EEFSEC: variants seen among roughly 807,000 people sequenced by gnomAD.
The protein encoded by EEFSEC is selenocysteine-specific elongation factor.
EEFSEC carries 43 observed loss-of-function variants against 42.1 expected under a neutral mutation model. The ratio of observed to expected loss-of-function variants is 1.02; its 90% CI spans 0.80 to 1.32. The LOEUF (loss-of-function observed/expected upper bound fraction) is 1.32. EEFSEC is among the 40% of genes most tolerant of loss of function. EEFSEC has a pLI of 0.00. For missense variants in EEFSEC, 745 were observed against 803.6 expected, an observed-to-expected ratio of 0.93 and a Z score of 0.88; for synonymous variants, 354 against 339.1, an observed-to-expected ratio of 1.04 and a Z score of -0.48.
chr3:128,156,796 G>C (rs1022626494), intron 1 of EEFSEC, among the ~76,000 whole-genome samples: 1 of 152,142 alleles, frequency 6.6e-6, no homozygotes, highest in African/African-American at 2.4e-5. Flanking sequence ...TTCCCTGTCT[G>C]TCTCCCTCTC....
intron 6 of EEFSEC, among the ~76,000 whole-genome samples, chr3:128,362,740 A>G (rs538729988): frequency 6.6e-6 from 1 of 152,280 alleles, no homozygotes; most frequent in Admixed American, 6.5e-5. Context: ...CTTACCTCAT[A>G]CTAGCCAGAG....
chr3:128,420,171 G>C, the EEFSEC span, among the ~76,000 whole-genome samples: 4 of 152,242 alleles, frequency 2.6e-5, no homozygotes, highest in African/African-American at 9.6e-5. Flanking sequence ...GCCCCGCGCA[G>C]AGCAGGAGAG....
At chr3:128,170,491 AC>A (rs1265899068) in intron 1 of EEFSEC, among the ~76,000 whole-genome samples, 2 of 151,768 alleles carry the variant, frequency 1.3e-5, no homozygotes, top group Non-Finnish European at 2.9e-5. Context: ...GCAGAGTGAG[AC>A]CACGTCTAAA....
chr3:128,285,588 C>T (rs2066575592), intron 4 of EEFSEC, among the ~76,000 whole-genome samples: 2 of 152,164 alleles, frequency 1.3e-5, no homozygotes, highest in African/African-American at 2.4e-5. Flanking sequence ...CTGCAGGATC[C>T]TCTGTGTTTG....
downstream of EEFSEC, among the ~76,000 whole-genome samples, chr3:128,412,777 G>A (rs368743122): frequency 1.1e-3 from 174 of 152,358 alleles, no homozygotes; most frequent in African/African-American, 4.1e-3. Context: ...TTGGCTGCTG[G>A]GAGTTGGGGC....
chr3:128,154,194 C>T (rs896957458), intron 1 of EEFSEC, among the ~76,000 whole-genome samples: 14 of 152,090 alleles, frequency 9.2e-5, no homozygotes, highest in African/African-American at 2.9e-4. Flanking sequence ...CTTCATTCAC[C>T]TGTCATTTGG....
intron 2 of EEFSEC, among the ~76,000 whole-genome samples, chr3:128,250,914 T>TTTG (rs1414979978): frequency 6.7e-6 from 1 of 149,614 alleles, no homozygotes; most frequent in Non-Finnish European, 1.5e-5. Context: ...TTTTTTGGTT[T>TTTG]TTTTTTTTTT....
intron 6 of EEFSEC, among the ~76,000 whole-genome samples, chr3:128,360,794 G>A (rs937694862): frequency 1.2e-4 from 19 of 152,094 alleles, no homozygotes; most frequent in South Asian, 1.0e-3. Context: ...ACATTCCTTC[G>A]TCTGGTCAAT....
At chr3:128,256,994 C>T (rs922597082) in intron 2 of EEFSEC, among the ~76,000 whole-genome samples, 4 of 152,192 alleles carry the variant, frequency 2.6e-5, no homozygotes, top group Admixed American at 1.3e-4. Context: ...ATCCTCCTGC[C>T]TCTGCCTCCC....
rs191291685 is a variant in EEFSEC, at chr3:128,331,881, C to A, written c.787-9352C>A. Reference sequence around the variant, plus strand: ...GTAACCACCCACTTTAGAGAAAAATCTACAAGATCTAGTAAAACTGAAACT... The same window carrying A: ...GTAACCACCCACTTTAGAGAAAAATATACAAGATCTAGTAAAACTGAAACT... On this transcript the variant is annotated intron_variant, in intron 4 of 6. Coordinates refer to ENST00000254730, the MANE Select transcript of EEFSEC (RefSeq NM_021937.5). Among the ~76,000 whole-genome samples, 769 of 152,174 alleles carry A rather than the reference C, an allele frequency of 5.1e-3. 7 individuals carry two copies. Among genetic ancestry groups the A allele is most frequent in the South Asian group, 0.032 (153 of 4,820 alleles).
intron 1 of EEFSEC, among the ~76,000 whole-genome samples, chr3:128,186,797 T>G (rs956163826): frequency 6.6e-6 from 1 of 152,222 alleles, no homozygotes; most frequent in Non-Finnish European, 1.5e-5. Flanking sequence ...CTGAACTATT[T>G]TTTTTTTAAA....
At chr3:128,176,013 C>T (rs1206620219) in intron 1 of EEFSEC, among the ~76,000 whole-genome samples, 3 of 152,084 alleles carry the variant, frequency 2.0e-5, no homozygotes, top group Admixed American at 1.3e-4. Context: ...CAAGTGTTTT[C>T]GTGTGTGTGA....
At position 128,246,824 on chromosome 3, in the gene EEFSEC, C is replaced by G. The variant is rs748259783; in HGVS notation, c.317-12C>G. ...CCTTTTCCCTTTCTAACCTTCTCTTCTCTTATTCCAGGGGCCCAGATCATT... is the reference window on the plus strand; with the variant it reads ...CCTTTTCCCTTTCTAACCTTCTCTTGTCTTATTCCAGGGGCCCAGATCATT... On this transcript the variant is annotated splice_polypyrimidine_tract_variant and intron_variant, in intron 1 of 6. Transcript: ENST00000254730. 8.7e-6 allele frequency: 14 copies of G among 1,613,216 alleles called. No homozygotes were observed. In the Admixed American group the frequency reaches 2.3e-4, roughly 27 times the overall value.
intron 6 of EEFSEC, among the ~76,000 whole-genome samples, chr3:128,397,668 G>A (rs1184836706): frequency 6.6e-6 from 1 of 152,262 alleles, no homozygotes; most frequent in African/African-American, 2.4e-5. Flanking sequence ...AAGCACAGAT[G>A]CACAGGCTCA....
At chr3:128,361,774 G>A (rs2067528529) in intron 6 of EEFSEC, among the ~76,000 whole-genome samples, 1 of 152,224 alleles carries the variant, frequency 6.6e-6, no homozygotes, top group Non-Finnish European at 1.5e-5. Flanking sequence ...GCCATTTGCA[G>A]AATTGTACTT....
intron 6 of EEFSEC, among the ~76,000 whole-genome samples, chr3:128,378,494 C>T (rs2067735370): frequency 6.6e-6 from 1 of 152,234 alleles, no homozygotes; most frequent in African/African-American, 2.4e-5. Context: ...GCCTAGCACA[C>T]TGACCAAGGA....
intron 4 of EEFSEC, among the ~76,000 whole-genome samples, chr3:128,322,286 C>T (rs914109041): frequency 1.1e-4 from 17 of 152,244 alleles, no homozygotes; most frequent in Non-Finnish European, 1.9e-4. Context: ...AGCATGCCTG[C>T]GCCTACTTGC....
rs565711771 is a variant in EEFSEC, at chr3:128,153,683, C to T, written c.176C>T (p.Pro59Leu). 3.8e-6 allele frequency: 6 copies of T among 1,592,974 alleles called. No individual in the cohort carries two copies. Among genetic ancestry groups the T allele is most frequent in the East Asian group, 2.3e-5 (1 of 44,306 alleles). ...CTGGGCTTCTCGTGCTTCTCGGTGC[C>T]GCTGCCCGCGCGCCTGCGGTCGTCT... is the stretch of plus-strand genomic sequence containing the variant. ...LDLGFSCFSV[P>L]LPARLRSSLP... The change falls in exon 1 of 7, where the codon CCG becomes CTG. Residue 59 changes from proline (P) to leucine (L), a missense_variant. Physicochemically the swap from Pro to Leu is moderately conservative, Grantham distance 98. Coordinates refer to ENST00000254730, the MANE Select transcript of EEFSEC (RefSeq NM_021937.5).
chr3:128,344,276 A>G (rs1246909254), intron 5 of EEFSEC, among the ~76,000 whole-genome samples: 1 of 152,186 alleles, frequency 6.6e-6, no homozygotes, highest in East Asian at 1.9e-4. Context: ...ATGCGCCTTT[A>G]CTAGCTACAT....
Sources: allele counts gnomAD v4.1 joint callset (sites outside exome capture counted in the v4.1 genomes callset), GRCh38; gene constraint gnomAD v4.1.1; transcripts MANE v1.5; gene names NCBI Gene and HGNC (gene_info 2026-07-23, HGNC 2026-07-21).